PCNX4: variants seen among roughly 807,000 people sequenced by gnomAD.
The protein encoded by PCNX4 is pecanex 4.
A neutral mutation model predicts 107.2 loss-of-function variants in PCNX4; 103 were observed. That is an observed-to-expected ratio of 0.96 (90% CI 0.82 to 1.13). The LOEUF (loss-of-function observed/expected upper bound fraction) is 1.13, where lower values mean the gene tolerates loss of function less well. Among genes scored for constraint, PCNX4 ranks in the 50% most tolerant of loss-of-function variants. The probability of loss-of-function intolerance (pLI) is 0.00; values close to 1 mark genes in which losing one functional copy is unlikely to be tolerated. For synonymous variants in PCNX4, 541 were observed against 481.7 expected, an observed-to-expected ratio of 1.12 and a Z score of -1.61; for missense variants, 1,528 against 1,379.4, an observed-to-expected ratio of 1.11 and a Z score of -1.71.
chr14:60,128,516 A>G (rs1018139284), intron 10 of PCNX4, among the ~76,000 whole-genome samples: 6 of 152,202 alleles, frequency 3.9e-5, no homozygotes, highest in African/African-American at 1.4e-4. Context: ...TTCAAAAATG[A>G]AAGCAAAATA....
chr14:60,110,305 G>A (rs1000887113), intron 2 of PCNX4: 7 of 167,110 alleles, frequency 4.2e-5, no homozygotes, highest in Admixed American at 3.9e-4. Context: ...TTATGCCAAA[G>A]GTGATTTAAG....
At position 60,107,631 on chromosome 14, in the gene PCNX4, G is replaced by A. The variant is rs774856068; in HGVS notation, c.-8G>A. 2.3e-5 allele frequency: 36 copies of A among 1,595,302 alleles called. No individual in the cohort carries two copies. The African/African-American group carries it at 3.4e-4, about 15-fold the overall frequency. ...AGCATGTGACTTTCAGAATAATCCC[G>A]AGTGAGGATGAGTCCAGATGTGCCT... is the stretch of plus-strand genomic sequence containing the variant. On this transcript the variant is annotated 5_prime_UTR_variant, in exon 2 of 11. Transcript: ENST00000406854.
At position 60,147,510 on chromosome 14, in the gene PCNX4, G is replaced by A. The variant is rs1337823016; in HGVS notation, c.*13289G>A. The A allele has an allele frequency of 1.3e-5, 2 of 152,044 alleles. No individual in the cohort carries two copies. The highest frequency in any genetic ancestry group is 2.9e-5 in the Non-Finnish European group (2 of 67,990). 9.4% of individuals were successfully genotyped at this position (152,044 alleles called of 1,614,324 possible). ...CCTTAAATATATATAATTTTTATGTGTCAATTATAAAGAAAATCTTTGATC... is the reference window on the plus strand; with the variant it reads ...CCTTAAATATATATAATTTTTATGTATCAATTATAAAGAAAATCTTTGATC... On this transcript the variant is annotated 3_prime_UTR_variant, in exon 11 of 11. Transcript: ENST00000406854.
chr14:60,119,318 A>G (rs1895911169), intron 7 of PCNX4, among the ~76,000 whole-genome samples: 1 of 152,176 alleles, frequency 6.6e-6, no homozygotes, highest in South Asian at 2.1e-4. Context: ...GTAAATTTTA[A>G]CTGTATTGTA....
At chr14:60,128,061 A>G (rs377991) in intron 10 of PCNX4, among the ~76,000 whole-genome samples, 37,661 of 152,100 alleles carry the variant, frequency 0.25, 6,741 homozygotes, top group African/African-American at 0.5. Flanking sequence ...AAAGAAGAGA[A>G]AAGAATGAAT....
intron 8 of PCNX4, 73 bp from the exon 9 acceptor site, chr14:60,124,145 A>G: frequency 8.2e-7 from 1 of 1,215,662 alleles, no homozygotes; most frequent in Non-Finnish European, 1.1e-6. Context: ...ATCTATGGGC[A>G]TTTACATGAC....
chr14:60,129,834 CTG>C (rs1896122481), intron 10 of PCNX4, among the ~76,000 whole-genome samples: 1 of 151,598 alleles, frequency 6.6e-6, no homozygotes, highest in Non-Finnish European at 1.5e-5. Context: ...GAGGAAATAA[CTG>C]AGAAAAAAAG....
intron 7 of PCNX4, 136 bp downstream of exon 7, chr14:60,118,828 A>T: frequency 1.0e-6 from 1 of 956,350 alleles, no homozygotes; most frequent in Non-Finnish European, 1.4e-6. Context: ...GTAGGCAGAA[A>T]GACTAAATAT....
rs12437278 is a variant in PCNX4, at chr14:60,132,211, T to C, written c.3268-1759T>C. 8.0e-3 allele frequency among the ~76,000 whole-genome samples: 1,217 copies of C among 152,278 alleles called. 65 individuals carry two copies. Among genetic ancestry groups the C allele is most frequent in the Admixed American group, 0.069 (1,048 of 15,296 alleles). ...TTTGGCTATGGCTGAGTAACTCCAG[T>C]CTCTGTCTCCGTATTTACATGGCCT... On this transcript the variant is annotated intron_variant, in intron 10 of 10. Coordinates refer to ENST00000406854, the MANE Select transcript of PCNX4 (RefSeq NM_001330177.2).
intron 2 of PCNX4, among the ~76,000 whole-genome samples, chr14:60,111,889 C>T (rs1046700256): frequency 1.3e-5 from 2 of 152,094 alleles, no homozygotes; most frequent in Non-Finnish European, 2.9e-5. Flanking sequence ...GAAAAATCAC[C>T]TCCAGTTTCA....
At chr14:60,111,459 A>T (rs1229442268) in intron 2 of PCNX4, among the ~76,000 whole-genome samples, 2 of 152,196 alleles carry the variant, frequency 1.3e-5, no homozygotes, top group East Asian at 3.8e-4. Flanking sequence ...TAAATACTTG[A>T]TTTTGAAAAG....
At chr14:60,112,021 T>C (rs753694389) in intron 2 of PCNX4, among the ~76,000 whole-genome samples, 2 of 152,210 alleles carry the variant, frequency 1.3e-5, no homozygotes, top group Non-Finnish European at 2.9e-5. Flanking sequence ...ATAAATTGTT[T>C]CTTAATTTTA....
intron 10 of PCNX4, among the ~76,000 whole-genome samples, chr14:60,129,573 A>G (rs1566521123): frequency 6.6e-6 from 1 of 152,200 alleles, no homozygotes; most frequent in Non-Finnish European, 1.5e-5. Flanking sequence ...TTAATATAAC[A>G]AACACAATAA....
Position 60,138,569 on chromosome 14 carries a change from CATG to C in PCNX4, c.*4351_*4353del, listed in dbSNP as rs1429609928. 8 of 152,162 alleles carry C rather than the reference CATG, an allele frequency of 5.3e-5. No homozygotes were observed. The highest frequency in any genetic ancestry group is 1.9e-4 in the African/African-American group (8 of 41,442). 9.4% of individuals were successfully genotyped at this position (152,162 alleles called of 1,614,324 possible). ...AAATATGGGAAGCAGAAATCAATGG[CATG>C]ATATTTTCAGGTTACTGAAAGAAAA... On this transcript the variant is annotated 3_prime_UTR_variant, in exon 11 of 11. Transcript: ENST00000406854.
chr14:60,126,736 C>T (rs1453934130), intron 10 of PCNX4, among the ~76,000 whole-genome samples: 2 of 152,148 alleles, frequency 1.3e-5, no homozygotes, highest in Non-Finnish European at 2.9e-5. Context: ...GGCTGGATTC[C>T]AGGCATGTGA....
intron 10 of PCNX4, chr14:60,126,277 TC>T (rs1180365580): frequency 6.6e-6 from 1 of 152,332 alleles, no homozygotes; most frequent in African/African-American, 2.4e-5. Flanking sequence ...AGGGGATGAC[TC>T]TTTAAGATTT....
rs1449013781 is a variant in PCNX4, at chr14:60,108,235, T to G, written c.597T>G (p.Thr199=). 6.2e-7 allele frequency: 1 copy of G among 1,612,658 alleles called. No homozygotes were observed. The change falls in exon 2 of 11, where the codon ACT becomes ACG. Residue 199 remains threonine, a synonymous_variant. Transcript: ENST00000406854. ...TAATTGTAAACACAGCTACAGAGAC[T>G]GCGACTTTCCAAACACAGGATACTT... The part of the protein sequence containing the change: ...YSLIVNTATE[T]ATFQTQDTYE...
At chr14:60,121,137 T>C in intron 7 of PCNX4, 59 bp from the exon 8 acceptor site, 1 of 1,520,684 alleles carries the variant, frequency 6.6e-7, no homozygotes, top group Non-Finnish European at 8.8e-7. Flanking sequence ...CATGGCAAAA[T>C]AAAAGAAGTT....
intron 1 of PCNX4, among the ~76,000 whole-genome samples, chr14:60,093,353 C>T (rs988833634): frequency 2.6e-5 from 4 of 152,096 alleles, no homozygotes; most frequent in Non-Finnish European, 5.9e-5. Flanking sequence ...CCACCTCCCT[C>T]CCCCCATTAT....
Sources: gnomAD v4.1 joint callset for allele counts (sites outside exome capture counted in the v4.1 genomes callset) on GRCh38, gnomAD v4.1.1 for gene constraint, MANE v1.5 for transcripts, NCBI Gene and HGNC (gene_info 2026-07-23, HGNC 2026-07-21) for gene names.